The following GPC6 variants were observed in gnomAD, a reference collection of about 807,000 sequenced individuals.
GPC6 encodes glypican-6.
A neutral mutation model predicts 55.2 loss-of-function variants in GPC6; 14 were observed. The observed-to-expected ratio is 0.25, with a 90% CI of 0.17 to 0.40. The LOEUF (loss-of-function observed/expected upper bound fraction) is 0.40. GPC6 is among the 10% of genes least tolerant of loss of function. The probability of loss-of-function intolerance (pLI) is 1.00; values close to 1 mark genes in which losing one functional copy is unlikely to be tolerated. For synonymous variants in GPC6, 278 were observed against 259.6 expected, an observed-to-expected ratio of 1.07 and a Z score of -0.68; for missense variants, 641 against 708.5, an observed-to-expected ratio of 0.90 and a Z score of 1.08.
At chr13:93,455,745 T>C (rs984134974) in intron 1 of GPC6, among the ~76,000 whole-genome samples, 12 of 152,124 alleles carry the variant, frequency 7.9e-5, no homozygotes, top group African/African-American at 2.7e-4. Flanking sequence ...CTAACAGGCA[T>C]GTTTCATTGT....
At chr13:93,270,648 TC>T (rs1877486184) in intron 1 of GPC6, among the ~76,000 whole-genome samples, 1 of 150,624 alleles carries the variant, frequency 6.6e-6, no homozygotes, top group African/African-American at 2.4e-5. Context: ...TATACCAGGC[TC>T]CCATACATTT....
intron 4 of GPC6, chr13:94,154,200 G>T (rs545546467): frequency 3.3e-5 from 5 of 149,734 alleles, no homozygotes; most frequent in African/African-American, 1.0e-4. Context: ...TTGCATTTTA[G>T]CTTATTATGG....
chr13:93,498,021 A>G (rs762109254), intron 1 of GPC6, among the ~76,000 whole-genome samples: 13 of 152,210 alleles, frequency 8.5e-5, no homozygotes, highest in Non-Finnish European at 1.5e-4. Context: ...GTCATCTTCT[A>G]TATGCTTTCT....
chr13:93,802,920 C>T (rs1276090024), intron 2 of GPC6, among the ~76,000 whole-genome samples: 3 of 152,084 alleles, frequency 2.0e-5, no homozygotes, highest in African/African-American at 4.8e-5. Flanking sequence ...CCAGACTAAA[C>T]TTTTATCATC....
At chr13:93,282,378 C>T (rs9523996) in intron 1 of GPC6, among the ~76,000 whole-genome samples, 38,186 of 151,882 alleles carry the variant, frequency 0.25, 5,014 homozygotes, top group South Asian at 0.32. Context: ...TCATACCAAA[C>T]CCCCTCATCC....
intron 1 of GPC6, among the ~76,000 whole-genome samples, chr13:93,229,615 T>C (rs1436443359): frequency 6.6e-6 from 1 of 152,212 alleles, no homozygotes; most frequent in Non-Finnish European, 1.5e-5. Context: ...TCGGTGGATA[T>C]TTAACTAAAG....
intron 2 of GPC6, among the ~76,000 whole-genome samples, chr13:93,702,722 G>A (rs111323210): frequency 8.5e-5 from 13 of 152,134 alleles, no homozygotes; most frequent in African/African-American, 2.9e-4. Context: ...CCAGCTTGAA[G>A]TTTTCTGATA....
At chr13:93,574,410 C>A (rs1186107363) in intron 2 of GPC6, among the ~76,000 whole-genome samples, 2 of 152,060 alleles carry the variant, frequency 1.3e-5, no homozygotes, top group African/African-American at 4.8e-5. Context: ...AAACACTAGA[C>A]GCTAGGCAGA....
intron 6 of GPC6, among the ~76,000 whole-genome samples, chr13:94,342,855 C>T (rs181506285): frequency 1.2e-4 from 18 of 152,212 alleles, no homozygotes; most frequent in Non-Finnish European, 1.8e-4. Flanking sequence ...GCCAGCTCCC[C>T]GTTCAATACT....
At chr13:93,814,763 A>G (rs916936320) in intron 2 of GPC6, among the ~76,000 whole-genome samples, 3 of 152,182 alleles carry the variant, frequency 2.0e-5, no homozygotes, top group Non-Finnish European at 4.4e-5. Flanking sequence ...TGTGTCTCTA[A>G]TCTTGTGAAA....
At chr13:93,399,849 T>G (rs561582231) in intron 1 of GPC6, among the ~76,000 whole-genome samples, 1 of 149,774 alleles carries the variant, frequency 6.7e-6, no homozygotes, top group Admixed American at 6.6e-5. Context: ...GATCTCTGTC[T>G]TTTGCAGAGG....
At chr13:94,099,523 C>T (rs1012382090) in intron 4 of GPC6, among the ~76,000 whole-genome samples, 2 of 152,168 alleles carry the variant, frequency 1.3e-5, no homozygotes, top group African/African-American at 4.8e-5. Context: ...TGACATTTTA[C>T]TTCAGGTAAA....
intron 3 of GPC6, among the ~76,000 whole-genome samples, chr13:94,021,676 ATTT>A: frequency 6.6e-6 from 1 of 151,878 alleles, no homozygotes; most frequent in African/African-American, 2.4e-5. Flanking sequence ...TTGTTATTTT[ATTT>A]ACTTTTTGTT....
intron 4 of GPC6, among the ~76,000 whole-genome samples, chr13:94,168,964 C>A (rs936588904): frequency 6.6e-6 from 1 of 151,962 alleles, no homozygotes; most frequent in African/African-American, 2.4e-5. Context: ...CCTCCGTGGG[C>A]GTGGGGATAG....
chr13:93,489,530 G>C (rs1467540408), intron 1 of GPC6, among the ~76,000 whole-genome samples: 1 of 151,362 alleles, frequency 6.6e-6, no homozygotes, highest in Admixed American at 6.6e-5. Context: ...AGCTTGATGG[G>C]GATGGCATTG....
rs377717547 is a variant in GPC6, at chr13:93,320,080, G to A, written c.160+92464G>A. On this transcript the variant is annotated intron_variant, in intron 1 of 8. Transcript: ENST00000377047. ...GATTTTAATGTTGGAGAATTTTGGA[G>A]TCTAAGCAAAGGGGAAAAGGACAGG... 7.8e-4 allele frequency among the ~76,000 whole-genome samples: 118 copies of A among 152,204 alleles called. 1 individual carries two copies. Among genetic ancestry groups the A allele is most frequent in the African/African-American group, 2.3e-3 (96 of 41,548 alleles).
In GPC6 at chr13:94,028,016, G is replaced by A. The variant is rs1882969186; in HGVS notation, c.877+122G>A. 7 of 929,120 alleles carry A rather than the reference G, an allele frequency of 7.5e-6. No individual in the cohort carries two copies. In the South Asian group the frequency reaches 8.2e-5, roughly 11 times the overall value. The allele number at this position is 929,120 out of a possible 1,614,324, so 57.6% of individuals were successfully genotyped here. A position where few individuals can be genotyped will look rare whatever the true frequency, so the allele number is the denominator to read the frequency against. ...ACAGTGGTTCACATCTGTAATCCCAGCACTTTGGGAGGCCAGTACAGATGG... is the reference window on the plus strand; with the variant it reads ...ACAGTGGTTCACATCTGTAATCCCAACACTTTGGGAGGCCAGTACAGATGG... On this transcript the variant is annotated intron_variant, in intron 4 of 8. Transcript: ENST00000377047.
intron 3 of GPC6, among the ~76,000 whole-genome samples, chr13:93,846,187 A>T (rs905397625): frequency 6.6e-6 from 1 of 152,128 alleles, no homozygotes; most frequent in African/African-American, 2.4e-5. Context: ...TTCCTATTTT[A>T]TGTCATTATA....
chr13:93,422,362 T>C (rs1876953625), intron 1 of GPC6, among the ~76,000 whole-genome samples: 1 of 152,216 alleles, frequency 6.6e-6, no homozygotes, highest in African/African-American at 2.4e-5. Flanking sequence ...ATAGTTTGCC[T>C]TTAAATTGCC....
Sources: allele counts gnomAD v4.1 joint callset (sites outside exome capture counted in the v4.1 genomes callset), GRCh38; gene constraint gnomAD v4.1.1; transcripts MANE v1.5; gene names NCBI Gene and HGNC (gene_info 2026-07-23, HGNC 2026-07-21).